The following CCDC60 variants were observed in gnomAD, a reference collection of about 807,000 sequenced individuals.
CCDC60 encodes the protein coiled-coil domain-containing protein 60.
A neutral mutation model predicts 63.5 loss-of-function variants in CCDC60; 54 were observed. The observed-to-expected ratio is 0.85, with a 90% confidence interval of 0.68 to 1.07. The LOEUF (loss-of-function observed/expected upper bound fraction) is 1.07. Among genes scored for constraint, CCDC60 ranks in the 50% least tolerant of loss-of-function variants. The probability of loss-of-function intolerance (pLI) is 0.00; values close to 1 mark genes in which losing one functional copy is unlikely to be tolerated. For synonymous variants in CCDC60, 206 were observed against 238.8 expected (o/e 0.86, Z 1.27); for missense variants, 651 against 684.3 (o/e 0.95, Z 0.54).
At chr12:119,409,455 T>G (rs564144512) in intron 1 of CCDC60, among the ~76,000 whole-genome samples, 2 of 152,258 alleles carry the variant, frequency 1.3e-5, no homozygotes, top group East Asian at 3.9e-4. Flanking sequence ...TGCCTGGTTA[T>G]CTACTGAAGG....
rs1332597178 is a variant in CCDC60 at position 119,488,800 on chromosome 12, T to C, written c.491T>C (p.Leu164Pro). ...CAGCTCTGTGCTCTCCACTGGCTTC[T>C]GGAGGCCCTGACTATTGACCACACC... is the stretch of plus-strand genomic sequence containing the variant. ...FRQLCALHWLLEALTIDHTHH... is the reference protein window; with the variant it reads ...FRQLCALHWLPEALTIDHTHH... The change falls in exon 5 of 14, where the codon CTG becomes CCG. Residue 164 changes from leucine (L) to proline (P), a missense_variant. Leu to Pro is a moderately conservative substitution (Grantham distance 98). Coordinates refer to ENST00000327554, the MANE Select transcript of CCDC60 (RefSeq NM_178499.5). 1 of 1,614,230 alleles carries C rather than the reference T, an allele frequency of 6.2e-7. No individual in the cohort carries two copies. Among genetic ancestry groups the C allele is most frequent in the Non-Finnish European group, 8.5e-7 (1 of 1,180,034 alleles).
chr12:119,384,826 A>G (rs1956043671), intron 1 of CCDC60, among the ~76,000 whole-genome samples: 1 of 152,234 alleles, frequency 6.6e-6, no homozygotes, highest in Admixed American at 6.5e-5. Flanking sequence ...TCACCAGCTC[A>G]TTCCAAGTCG....
In CCDC60 at chr12:119,384,994, G is replaced by A. The variant is rs565675184; in HGVS notation, c.91-43689G>A. On this transcript the variant is annotated intron_variant, in intron 1 of 13. Transcript: ENST00000327554. ...GGCGAAACCATGTGCCCTGGCACGG[G>A]GCTGCATTCATTTGGAGAGAGGGTG... 5.1e-4 allele frequency among the ~76,000 whole-genome samples: 78 copies of A among 152,370 alleles called. No homozygotes were observed. The South Asian group carries it at 0.015, about 30-fold the overall frequency.
At chr12:119,419,089 A>G (rs759414641) in intron 1 of CCDC60, among the ~76,000 whole-genome samples, 5 of 152,190 alleles carry the variant, frequency 3.3e-5, no homozygotes, top group Admixed American at 6.5e-5. Flanking sequence ...CAATCAAGCA[A>G]TCTTTGCTCT....
intron 4 of CCDC60, among the ~76,000 whole-genome samples, chr12:119,484,631 T>C (rs866907725): frequency 1.3e-5 from 2 of 152,078 alleles, no homozygotes; most frequent in African/African-American, 4.8e-5. Context: ...GAGGATCGCT[T>C]GTGCCCAGGA....
chr12:119,376,287 C>T (rs1027715278), intron 1 of CCDC60, among the ~76,000 whole-genome samples: 1 of 152,324 alleles, frequency 6.6e-6, no homozygotes, highest in African/African-American at 2.4e-5. Context: ...TTTGATCCCT[C>T]CTGTCCTATC....
At chr12:119,358,535 A>C (rs917695045) in intron 1 of CCDC60, among the ~76,000 whole-genome samples, 2 of 152,214 alleles carry the variant, frequency 1.3e-5, no homozygotes, top group African/African-American at 4.8e-5. Flanking sequence ...CTGTTATAGC[A>C]GCACAAAACA....
intron 1 of CCDC60, among the ~76,000 whole-genome samples, chr12:119,352,916 G>T (rs1409107796): frequency 6.6e-6 from 1 of 151,816 alleles, no homozygotes; most frequent in Admixed American, 6.6e-5. Flanking sequence ...CTCCAGCCTG[G>T]GTAACAGAGT....
At chr12:119,487,304 T>C (rs1951471146) in intron 4 of CCDC60, among the ~76,000 whole-genome samples, 1 of 151,574 alleles carries the variant, frequency 6.6e-6, no homozygotes, top group Admixed American at 6.6e-5. Context: ...GAGCTTTTTT[T>C]TTTTTTTTTC....
intron 1 of CCDC60, among the ~76,000 whole-genome samples, chr12:119,335,718 T>A (rs978264264): frequency 2.0e-5 from 3 of 152,158 alleles, no homozygotes; most frequent in Non-Finnish European, 2.9e-5. Flanking sequence ...CAGATAAGTA[T>A]GTTGCGAAAA....
intron 2 of CCDC60, among the ~76,000 whole-genome samples, chr12:119,432,346 T>C (rs1342167741): frequency 6.6e-6 from 1 of 152,228 alleles, no homozygotes; most frequent in Non-Finnish European, 1.5e-5. Flanking sequence ...TGCCCAGAGA[T>C]GTTCCAGGCT....
chr12:119,461,109 C>G (rs543883010), intron 2 of CCDC60, among the ~76,000 whole-genome samples: 1 of 152,050 alleles, frequency 6.6e-6, no homozygotes, highest in East Asian at 1.9e-4. Context: ...ATTTACCTAA[C>G]CTTTTCTCTG....
chr12:119,449,829 G>A (rs1950599738), intron 2 of CCDC60, among the ~76,000 whole-genome samples: 1 of 152,144 alleles, frequency 6.6e-6, no homozygotes, highest in Non-Finnish European at 1.5e-5. Context: ...CTGGTGGCGG[G>A]GGCGGGCAGG....
chr12:119,440,862 G>A (rs540781583), intron 2 of CCDC60, among the ~76,000 whole-genome samples: 1 of 152,266 alleles, frequency 6.6e-6, no homozygotes, highest in South Asian at 2.1e-4. Context: ...TCTCCAAAGT[G>A]GAGAATGCAA....
intron 2 of CCDC60, among the ~76,000 whole-genome samples, chr12:119,458,040 G>A (rs956458405): frequency 6.6e-6 from 1 of 152,270 alleles, no homozygotes; most frequent in East Asian, 1.9e-4. Context: ...TGGTGTTTCA[G>A]ATCCCTTCAT....
intron 9 of CCDC60, among the ~76,000 whole-genome samples, chr12:119,521,830 G>C (rs535460237): frequency 6.6e-5 from 10 of 152,304 alleles, no homozygotes; most frequent in Non-Finnish European, 1.0e-4. Flanking sequence ...TCCCCCAAAG[G>C]ATTCATCTGC....
At chr12:119,385,538 C>G (rs910424314) in intron 1 of CCDC60, among the ~76,000 whole-genome samples, 4 of 152,214 alleles carry the variant, frequency 2.6e-5, no homozygotes, top group Non-Finnish European at 5.9e-5. Context: ...GTAAGACGTG[C>G]CTTTTGCCTT....
At chr12:119,380,326 A>G (rs979947448) in intron 1 of CCDC60, among the ~76,000 whole-genome samples, 2 of 152,238 alleles carry the variant, frequency 1.3e-5, no homozygotes, top group Non-Finnish European at 2.9e-5. Context: ...GAGTAAAATC[A>G]GCCATGATGG....
At chr12:119,336,431 A>T (rs1955472690) in intron 1 of CCDC60, among the ~76,000 whole-genome samples, 1 of 152,236 alleles carries the variant, frequency 6.6e-6, no homozygotes, top group Admixed American at 6.5e-5. Flanking sequence ...AAAATGATGG[A>T]ATAAATCAGC....
Sources: gnomAD v4.1 joint callset for allele counts (sites outside exome capture counted in the v4.1 genomes callset) on GRCh38, gnomAD v4.1.1 for gene constraint, MANE v1.5 for transcripts, NCBI Gene and HGNC (gene_info 2026-07-23, HGNC 2026-07-21) for gene names.